Variants in AFF3 observed in about 807,000 individuals in gnomAD.
The protein encoded by AFF3 is ALF transcription elongation factor 3.
Under a neutral mutation model 129.7 loss-of-function variants are expected in AFF3, and 32 were observed. The ratio of observed to expected loss-of-function variants is 0.25; its 90% CI spans 0.19 to 0.33. The LOEUF (loss-of-function observed/expected upper bound fraction) is 0.33. Among genes scored for constraint, AFF3 ranks in the 10% least tolerant of loss-of-function variants. AFF3 has a pLI of 1.00. For synonymous variants in AFF3, 644 were observed against 635.4 expected, an observed-to-expected ratio of 1.01 and a Z score of -0.20; for missense variants, 1,373 against 1,592.0, an observed-to-expected ratio of 0.86 and a Z score of 2.34.
At chr2:100,060,800 C>T (rs1201171540) in intron 4 of AFF3, among the ~76,000 whole-genome samples, 1 of 152,128 alleles carries the variant, frequency 6.6e-6, no homozygotes, top group Non-Finnish European at 1.5e-5. Flanking sequence ...CTATTGACTA[C>T]ACGCTACACT....
chr2:99,561,254 T>G (rs1442465013), intron 20 of AFF3, among the ~76,000 whole-genome samples: 1 of 152,246 alleles, frequency 6.6e-6, no homozygotes, highest in Non-Finnish European at 1.5e-5. Context: ...TTAACTAAGA[T>G]AGCGTTTGTA....
chr2:99,862,871 A>AG (rs1383899766), intron 7 of AFF3, among the ~76,000 whole-genome samples: 2 of 152,240 alleles, frequency 1.3e-5, no homozygotes, highest in East Asian at 3.8e-4. Context: ...AATGGCAATT[A>AG]AAAAGACCCC....
At chr2:99,644,069 T>C (rs1684467554) in intron 13 of AFF3, among the ~76,000 whole-genome samples, 1 of 152,230 alleles carries the variant, frequency 6.6e-6, no homozygotes, top group South Asian at 2.1e-4. Context: ...CCACAGAGCA[T>C]GCTGGATGCG....
chr2:99,571,180 T>G (rs1274816824), intron 18 of AFF3, among the ~76,000 whole-genome samples: 2 of 152,174 alleles, frequency 1.3e-5, no homozygotes, highest in Non-Finnish European at 2.9e-5. Context: ...AAAAGAGTGG[T>G]GCCTTCCGAT....
At chr2:99,777,257 T>C (rs1683977511) in intron 8 of AFF3, among the ~76,000 whole-genome samples, 1 of 152,108 alleles carries the variant, frequency 6.6e-6, no homozygotes, top group Non-Finnish European at 1.5e-5. Context: ...CCCAGGAGCA[T>C]CCTGGGAGAG....
At chr2:99,715,674 CT>C (rs35307881) in intron 11 of AFF3, among the ~76,000 whole-genome samples, 63,806 of 135,896 alleles carry the variant, frequency 0.47, 14,025 homozygotes, top group East Asian at 0.69. Flanking sequence ...CATTTCAAAT[CT>C]TTTTTTTTTT....
intron 12 of AFF3, among the ~76,000 whole-genome samples, chr2:99,661,867 C>T (rs984782462): frequency 2.0e-5 from 3 of 152,184 alleles, no homozygotes; most frequent in African/African-American, 7.2e-5. Flanking sequence ...TGGCCAGGCT[C>T]GCTGGCTTAT....
At chr2:100,105,184 GC>G (rs1691191048) in intron 3 of AFF3, 1 of 490,282 alleles carries the variant, frequency 2.0e-6, no homozygotes, top group Non-Finnish European at 2.8e-6. Flanking sequence ...CCTTGCCCGG[GC>G]TGCACGCACT....
At position 100,009,445 on chromosome 2, in the gene AFF3, T is replaced by C. The variant is rs557839900; in HGVS notation, c.54-513A>G. Among the ~76,000 whole-genome samples, 4 of 152,132 alleles carry C rather than the reference T, an allele frequency of 2.6e-5. No individual in the cohort carries two copies. In the South Asian group the frequency reaches 6.2e-4, roughly 24 times the overall value. ...TGGTTTTCACAGTTATGAGCCTTCTTCTGATCTCTGTTAATCAGTCAAGTC... is the reference window on the plus strand; with the variant it reads ...TGGTTTTCACAGTTATGAGCCTTCTCCTGATCTCTGTTAATCAGTCAAGTC... On this transcript the variant is annotated intron_variant, in intron 4 of 24. Transcript: ENST00000672756.
chr2:99,985,620 C>T (rs1191050527), intron 7 of AFF3, among the ~76,000 whole-genome samples: 1 of 152,198 alleles, frequency 6.6e-6, no homozygotes, highest in Non-Finnish European at 1.5e-5. Context: ...CACACAACAA[C>T]ATGGATGAAC....
chr2:100,020,385 C>G (rs1683489321), intron 4 of AFF3, among the ~76,000 whole-genome samples: 1 of 152,070 alleles, frequency 6.6e-6, no homozygotes, highest in Non-Finnish European at 1.5e-5. Flanking sequence ...AGATGTCATT[C>G]ATTCCTTGCT....
chr2:100,124,380 A>C (rs1316884897), intron 2 of AFF3, among the ~76,000 whole-genome samples: 1 of 152,246 alleles, frequency 6.6e-6, no homozygotes, highest in Non-Finnish European at 1.5e-5. Flanking sequence ...ACCAAGGATA[A>C]AAACAAACAT....
chr2:99,900,421 G>T (rs1415729222), intron 7 of AFF3, among the ~76,000 whole-genome samples: 1 of 151,978 alleles, frequency 6.6e-6, no homozygotes, highest in Admixed American at 6.6e-5. Flanking sequence ...TAAGACTCGG[G>T]CCCACCCCCA....
At chr2:99,647,791 A>T (rs943843421) in intron 13 of AFF3, among the ~76,000 whole-genome samples, 1 of 152,236 alleles carries the variant, frequency 6.6e-6, no homozygotes, top group African/African-American at 2.4e-5. Context: ...AAAGTAAGGG[A>T]AATGCCCTAT....
At chr2:99,611,558 T>A (rs117854508) in intron 13 of AFF3, among the ~76,000 whole-genome samples, 1 of 152,082 alleles carries the variant, frequency 6.6e-6, no homozygotes, top group Non-Finnish European at 1.5e-5. Flanking sequence ...CACAGTTTTT[T>A]TTCCCCCCAC....
At chr2:99,658,225 G>A (rs1254935830) in intron 12 of AFF3, among the ~76,000 whole-genome samples, 1 of 152,210 alleles carries the variant, frequency 6.6e-6, no homozygotes, top group Non-Finnish European at 1.5e-5. Flanking sequence ...ATGGCACCCT[G>A]CAGGGCAGGA....
intron 7 of AFF3, among the ~76,000 whole-genome samples, chr2:99,888,184 C>T (rs1227493000): frequency 2.0e-5 from 3 of 151,920 alleles, no homozygotes; most frequent in South Asian, 2.1e-4. Flanking sequence ...AGGCACAACT[C>T]GAAAAATAAA....
chr2:99,630,616 C>T (rs893510886), intron 13 of AFF3: 1 of 153,014 alleles, frequency 6.5e-6, no homozygotes, highest in African/African-American at 2.4e-5. Context: ...CTCACAGTTC[C>T]ACATGGCTGG....
intron 24 of AFF3, among the ~76,000 whole-genome samples, chr2:99,552,241 T>G (rs957838895): frequency 2.0e-5 from 3 of 151,866 alleles, no homozygotes; most frequent in African/African-American, 7.3e-5. Flanking sequence ...CAAACAAACA[T>G]TAGCCAGGTG....
Sources: gnomAD v4.1 joint callset for allele counts (sites outside exome capture counted in the v4.1 genomes callset) on GRCh38, gnomAD v4.1.1 for gene constraint, MANE v1.5 for transcripts, NCBI Gene and HGNC (gene_info 2026-07-23, HGNC 2026-07-21) for gene names.